The following SYT1 variants were observed in gnomAD, a reference collection of about 807,000 sequenced individuals.
SYT1 encodes the protein synaptotagmin 1.
SYT1 carries 8 observed loss-of-function variants against 44.8 expected under a neutral mutation model. The ratio of observed to expected loss-of-function variants is 0.18; its 90% confidence interval spans 0.10 to 0.32. SYT1 has a LOEUF of 0.32. SYT1 is among the 10% of genes least tolerant of loss of function. The pLI is 1.00. For missense variants in SYT1, 286 were observed against 509.3 expected (o/e 0.56, Z 4.22); for synonymous variants, 154 against 188.8 (o/e 0.82, Z 1.51).
At chr12:78,936,188 T>C (rs1013871258) in intron 1 of SYT1, among the ~76,000 whole-genome samples, 1 of 151,992 alleles carries the variant, frequency 6.6e-6, no homozygotes, top group Admixed American at 6.6e-5. Flanking sequence ...ACAATTTCAG[T>C]GTAGGAAAGG....
intron 2 of SYT1, among the ~76,000 whole-genome samples, chr12:79,041,122 C>T (rs1457364389): frequency 1.3e-5 from 2 of 151,698 alleles, no homozygotes; most frequent in Non-Finnish European, 3.0e-5. Context: ...TTTTTGGTTC[C>T]ATATGAACTT....
chr12:79,305,975 G>A (rs994088235), intron 8 of SYT1, among the ~76,000 whole-genome samples: 2 of 152,172 alleles, frequency 1.3e-5, no homozygotes, highest in Non-Finnish European at 2.9e-5. Context: ...GGGATTACAC[G>A]TGTGAGCCAC....
chr12:79,223,609 C>T (rs1467821950), intron 4 of SYT1, among the ~76,000 whole-genome samples: 1 of 152,162 alleles, frequency 6.6e-6, no homozygotes, highest in Non-Finnish European at 1.5e-5. Flanking sequence ...ACAGCAAGCA[C>T]AGTACTGGGA....
In SYT1 at chr12:79,319,994, C is replaced by T. The variant is rs1405981825; in HGVS notation, c.810+20443C>T. ...TCCAAATAGTATTTAATTAGGGGTA[C>T]TTGAATATATGAGAAATGTCTTTGC... On this transcript the variant is annotated intron_variant, in intron 8 of 10. Transcript: ENST00000261205. Among the ~76,000 whole-genome samples, 3 of 152,134 alleles carry T rather than the reference C, an allele frequency of 2.0e-5. No homozygotes were observed. In the East Asian group the frequency reaches 5.8e-4, roughly 29 times the overall value.
At chr12:78,978,617 C>A (rs1246854180) in intron 2 of SYT1, among the ~76,000 whole-genome samples, 1 of 152,164 alleles carries the variant, frequency 6.6e-6, no homozygotes, top group African/African-American at 2.4e-5. Context: ...TTCTAACACA[C>A]TTTTATTAGG....
chr12:79,221,141 C>T (rs2138577298), intron 4 of SYT1, among the ~76,000 whole-genome samples: 1 of 152,250 alleles, frequency 6.6e-6, no homozygotes, highest in South Asian at 2.1e-4. Context: ...ATTATATTCT[C>T]TTGCTGAATT....
rs1873812446 is a variant in SYT1 at position 79,201,934 on chromosome 12, T to TTA, written c.-17-15569_-17-15568insTA. Among the ~76,000 whole-genome samples the TTA allele has an allele frequency of 2.0e-5, 3 of 152,124 alleles. No individual in the cohort carries two copies. The South Asian group carries it at 6.2e-4, about 31-fold the overall frequency. Reference sequence around the variant, plus strand: ...GTCATAATATCAAATTATTGATCAGTAAGTATGAAAAAAGTCTAAAGAAAT... The same window carrying TTA: ...GTCATAATATCAAATTATTGATCAGTTAAAGTATGAAAAAAGTCTAAAGAAAT... On this transcript the variant is annotated intron_variant, in intron 3 of 10. Coordinates refer to ENST00000261205, the MANE Select transcript of SYT1 (RefSeq NM_005639.3).
chr12:79,251,605 T>C (rs949866960), intron 4 of SYT1, among the ~76,000 whole-genome samples: 2 of 152,182 alleles, frequency 1.3e-5, no homozygotes, highest in African/African-American at 4.8e-5. Context: ...ATGCATTGTC[T>C]GAGGTTTATA....
intron 3 of SYT1, among the ~76,000 whole-genome samples, chr12:79,140,626 T>C (rs964844765): frequency 6.6e-6 from 1 of 152,208 alleles, no homozygotes; most frequent in Non-Finnish European, 1.5e-5. Context: ...TCATCTGGAA[T>C]GCTTATCAGC....
At chr12:79,080,672 T>C (rs552749400) in intron 3 of SYT1, among the ~76,000 whole-genome samples, 1 of 152,242 alleles carries the variant, frequency 6.6e-6, no homozygotes, top group East Asian at 1.9e-4. Flanking sequence ...GGCTCCAATA[T>C]AAATTAGCAG....
intron 3 of SYT1, among the ~76,000 whole-genome samples, chr12:79,065,430 A>G (rs780491728): frequency 6.6e-6 from 1 of 152,082 alleles, no homozygotes; most frequent in African/African-American, 2.4e-5. Flanking sequence ...GAGGGGCACA[A>G]AGGTGCCATG....
intron 9 of SYT1, among the ~76,000 whole-genome samples, chr12:79,401,333 G>A (rs1189856142): frequency 6.6e-6 from 1 of 152,108 alleles, no homozygotes; most frequent in Admixed American, 6.6e-5. Flanking sequence ...GTTCCAGGCT[G>A]CAGTGCACTA....
Position 79,449,230 on chromosome 12 carries a change from T to A in SYT1, c.*106T>A. ...TTTCATTTTTCCAGCCATGCATTCCTAACACAATTCAGTGGTACTTGGAAT... is the reference window on the plus strand; with the variant it reads ...TTTCATTTTTCCAGCCATGCATTCCAAACACAATTCAGTGGTACTTGGAAT... On this transcript the variant is annotated 3_prime_UTR_variant, in exon 11 of 11. Coordinates refer to ENST00000261205, the MANE Select transcript of SYT1 (RefSeq NM_005639.3). 2 of 1,186,224 alleles carry A rather than the reference T, an allele frequency of 1.7e-6. No individual in the cohort carries two copies. The highest frequency in any genetic ancestry group is 2.4e-6 in the Non-Finnish European group (2 of 842,790). 73.5% of individuals were successfully genotyped at this position (1,186,224 alleles called of 1,614,324 possible). A position where few individuals can be genotyped will look rare whatever the true frequency, so the allele number is the denominator to read the frequency against.
intron 3 of SYT1, among the ~76,000 whole-genome samples, chr12:79,210,868 A>T (rs970607653): frequency 6.6e-6 from 1 of 151,894 alleles, no homozygotes. Flanking sequence ...GCCATTTTAC[A>T]TATTGGTTAA....
intron 8 of SYT1, among the ~76,000 whole-genome samples, chr12:79,299,760 G>A (rs1000566090): frequency 2.6e-5 from 4 of 152,048 alleles, no homozygotes; most frequent in Non-Finnish European, 4.4e-5. Flanking sequence ...AGACATTTGT[G>A]TACTGGATCT....
chr12:79,143,516 C>T (rs1869693184), intron 3 of SYT1, among the ~76,000 whole-genome samples: 1 of 152,148 alleles, frequency 6.6e-6, no homozygotes, highest in African/African-American at 2.4e-5. Context: ...GGGTGCTCAG[C>T]CCTGATGGGG....
chr12:78,949,694 T>C lies in SYT1; in HGVS notation c.-216-28105T>C, dbSNP rs536057743. Among the ~76,000 whole-genome samples, 8 of 152,150 alleles carry C rather than the reference T, an allele frequency of 5.3e-5. No individual in the cohort carries two copies. In the East Asian group the frequency reaches 1.5e-3, roughly 29 times the overall value. On this transcript the variant is annotated intron_variant, in intron 1 of 10. Coordinates refer to ENST00000261205, the MANE Select transcript of SYT1 (RefSeq NM_005639.3). ...AGGAGGCAAGTAACAAAATTTATTT[T>C]TGAGTGAGAAAATATGACAGATTTT...
intron 1 of SYT1, among the ~76,000 whole-genome samples, chr12:78,898,912 T>C (rs1875508492): frequency 6.6e-6 from 1 of 152,258 alleles, no homozygotes; most frequent in East Asian, 1.9e-4. Flanking sequence ...TTAAAAAGCA[T>C]GTTTTCCAAC....
intron 3 of SYT1, among the ~76,000 whole-genome samples, chr12:79,212,082 T>C (rs1043627732): frequency 6.6e-6 from 1 of 152,138 alleles, no homozygotes; most frequent in African/African-American, 2.4e-5. Flanking sequence ...TGTGCTGCTA[T>C]TTACAATAGC....
Sources: allele counts gnomAD v4.1 joint callset (sites outside exome capture counted in the v4.1 genomes callset), GRCh38; gene constraint gnomAD v4.1.1; transcripts MANE v1.5; gene names NCBI Gene and HGNC (gene_info 2026-07-23, HGNC 2026-07-21).